The following MTUS1 variants were observed in gnomAD, a reference collection of about 807,000 sequenced individuals.
The protein encoded by MTUS1 is microtubule associated scaffold protein 1.
In MTUS1, 109 loss-of-function variants were observed where a neutral mutation model predicts 120.8. The ratio of observed to expected loss-of-function variants is 0.90; its 90% CI spans 0.77 to 1.06. The LOEUF (loss-of-function observed/expected upper bound fraction) is 1.06. MTUS1 is among the 50% of genes least tolerant of loss of function. The pLI, the probability that MTUS1 is intolerant of heterozygous loss-of-function variation, is 0.00. For synonymous variants in MTUS1, 737 were observed against 550.5 expected (o/e 1.34, Z -4.74); for missense variants, 2,210 against 1,486.3 (o/e 1.49, Z -8.01).
rs1279407612 is a variant in MTUS1 at position 17,704,370 on chromosome 8, C to A, written c.2623+8844G>T. ...CCAAGAAAAATGACATGAAGTTTTGCCCCATGTTTTGTTTGAGGTGTTTTA... is the reference window on the plus strand; with the variant it reads ...CCAAGAAAAATGACATGAAGTTTTGACCCATGTTTTGTTTGAGGTGTTTTA... On this transcript the variant is annotated intron_variant, in intron 6 of 14. Transcript: ENST00000693296. Among the ~76,000 whole-genome samples the A allele has an allele frequency of 2.6e-5, 4 of 152,130 alleles. No individual in the cohort carries two copies. The East Asian group carries it at 7.7e-4, about 29-fold the overall frequency.
rs534063232 is a variant in MTUS1, at chr8:17,654,501, A to G, written c.3214+60T>C. On this transcript the variant is annotated intron_variant, in intron 10 of 14. Coordinates refer to ENST00000693296, the MANE Select transcript of MTUS1 (RefSeq NM_001363059.2). ...GAAGTTATGAATCATTTCCATCTTA[A>G]AACATCATGTGGTTCCTTCAGATTT... 5.3e-5 allele frequency: 62 copies of G among 1,164,648 alleles called. No individual in the cohort carries two copies. The East Asian group carries it at 1.2e-3, about 23-fold the overall frequency. The allele number at this position is 1,164,648 out of a possible 1,614,324, so 72.1% of individuals were successfully genotyped here.
rs1226621346 is a variant in MTUS1, at chr8:17,647,003, T to G, written c.3578A>C (p.Asp1193Ala). The G allele has an allele frequency of 6.2e-7, 1 of 1,613,974 alleles. No homozygotes were observed. The highest frequency in any genetic ancestry group is 8.5e-7 in the Non-Finnish European group (1 of 1,179,894). Reference sequence around the variant, plus strand: ...TTACCTTGAGATTGCCATGTGCTTGTCCATCCGAGCTTTCAATTCTTCATT... The same window carrying G: ...TTACCTTGAGATTGCCATGTGCTTGGCCATCCGAGCTTTCAATTCTTCATT... ...QENEELKARM[D>A]KHMAISRQLS... The change falls in exon 14 of 15, where the codon GAC (aspartate) becomes GCC (alanine). Residue 1193 changes from aspartate (D) to alanine (A), a missense_variant. By Grantham distance (126) the Asp-to-Ala change is moderately radical. Transcript: ENST00000693296.
chr8:17,764,755 G>T (rs1325290971), intron 1 of MTUS1, among the ~76,000 whole-genome samples: 2 of 152,204 alleles, frequency 1.3e-5, no homozygotes, highest in Non-Finnish European at 2.9e-5. Context: ...CAAAAAAGAG[G>T]CAGTGGGCCA....
At chr8:17,761,628 G>C (rs1361548312) in intron 1 of MTUS1, among the ~76,000 whole-genome samples, 1 of 152,124 alleles carries the variant, frequency 6.6e-6, no homozygotes, top group East Asian at 1.9e-4. Context: ...ACCTAATATA[G>C]TTAACCTTGT....
chr8:17,678,802 G>C (rs893633704), intron 7 of MTUS1, among the ~76,000 whole-genome samples: 1 of 151,350 alleles, frequency 6.6e-6, no homozygotes, highest in African/African-American at 2.4e-5. Flanking sequence ...GGTTTGGGGA[G>C]GGTGACCTCA....
At chr8:17,683,648 T>A (rs6586627) in intron 7 of MTUS1, among the ~76,000 whole-genome samples, 126,263 of 151,988 alleles carry the variant, frequency 0.83, 52,665 homozygotes, top group East Asian at 0.98. Context: ...AACTGTGATT[T>A]AAAAAATGTC....
chr8:17,770,245 C>T (rs1026516525), intron 1 of MTUS1, among the ~76,000 whole-genome samples: 11 of 152,070 alleles, frequency 7.2e-5, no homozygotes, highest in Non-Finnish European at 1.2e-4. Flanking sequence ...TTAGCATTTT[C>T]AAACGTTCTA....
At chr8:17,711,675 C>G (rs1050729878) in intron 6 of MTUS1, among the ~76,000 whole-genome samples, 2 of 152,170 alleles carry the variant, frequency 1.3e-5, no homozygotes. Context: ...CTTTTCCTTT[C>G]CATTTACAAC....
chr8:17,647,055 C>T lies in MTUS1; in HGVS notation c.3526G>A (p.Asp1176Asn). The T allele has an allele frequency of 6.2e-7, 1 of 1,613,884 alleles. No homozygotes were observed. The highest frequency in any genetic ancestry group is 8.5e-7 in the Non-Finnish European group (1 of 1,179,942). ...TCCTGCTGGAAACGCTTCAATTTGT[C>T]AACCAATGCTGTGTTGTTGTCCACC... ...KLVDNNTALV[D>N]KLKRFQQENE... The change falls in exon 14 of 15, where the codon GAC becomes AAC. Residue 1176 changes from aspartate (D) to asparagine (N), a missense_variant. Physicochemically the swap from Asp to Asn is conservative, Grantham distance 23. Transcript: ENST00000693296.
chr8:17,756,011 G>A (rs2048581002), intron 1 of MTUS1, 50 bp from the exon 2 acceptor site: 1 of 1,219,198 alleles, frequency 8.2e-7, no homozygotes, highest in Admixed American at 3.4e-5. Flanking sequence ...AAAATTAACA[G>A]GCCACCCCTT....
At chr8:17,729,161 G>C (rs1035966114) in intron 3 of MTUS1, among the ~76,000 whole-genome samples, 4 of 152,114 alleles carry the variant, frequency 2.6e-5, no homozygotes, top group African/African-American at 9.7e-5. Context: ...CAACTACTTA[G>C]AGACAGTTAC....
intron 1 of MTUS1, among the ~76,000 whole-genome samples, chr8:17,786,709 A>G (rs2051331000): frequency 6.6e-6 from 1 of 152,152 alleles, no homozygotes; most frequent in Non-Finnish European, 1.5e-5. Context: ...TCCGTAGTTG[A>G]GAGACTGGCT....
At chr8:17,673,463 G>T (rs61484524) in intron 8 of MTUS1, among the ~76,000 whole-genome samples, 20,251 of 152,120 alleles carry the variant, frequency 0.13, 1,392 homozygotes, top group South Asian at 0.19. Flanking sequence ...TGAATGCAGA[G>T]AAGTCTTTTA....
chr8:17,667,363 C>A (rs918177460), intron 8 of MTUS1, among the ~76,000 whole-genome samples: 2 of 152,166 alleles, frequency 1.3e-5, no homozygotes, highest in African/African-American at 4.8e-5. Flanking sequence ...AATTTTACAA[C>A]TCAAAAGTGA....
At chr8:17,703,024 T>C (rs1405915574) in intron 6 of MTUS1, among the ~76,000 whole-genome samples, 4 of 152,198 alleles carry the variant, frequency 2.6e-5, no homozygotes, top group Admixed American at 2.6e-4. Flanking sequence ...CTGTGATGAT[T>C]GCATTAACTG....
intron 1 of MTUS1, among the ~76,000 whole-genome samples, chr8:17,763,477 C>G (rs1208581974): frequency 6.6e-6 from 1 of 152,134 alleles, no homozygotes; most frequent in East Asian, 1.9e-4. Flanking sequence ...GTATAACACT[C>G]CTGGCTTTTG....
At chr8:17,736,322 C>G (rs1248235150) in intron 3 of MTUS1, among the ~76,000 whole-genome samples, 1 of 152,188 alleles carries the variant, frequency 6.6e-6, no homozygotes, top group Non-Finnish European at 1.5e-5. Flanking sequence ...TCCTGACCTC[C>G]TCCGCCCATC....
At chr8:17,760,087 A>C (rs959187202) in intron 1 of MTUS1, among the ~76,000 whole-genome samples, 1 of 144,834 alleles carries the variant, frequency 6.9e-6, no homozygotes, top group African/African-American at 2.6e-5. Flanking sequence ...ACGGTGGTGC[A>C]TGCCTGTAGT....
chr8:17,800,871 G>C (rs1022496812), intron 1 of MTUS1, 190 bp downstream of exon 1: 2 of 153,040 alleles, frequency 1.3e-5, no homozygotes, highest in East Asian at 3.9e-4. Flanking sequence ...CTCTGCGCTG[G>C]CCCACGTGAG....
Sources: gnomAD v4.1 joint callset for allele counts (sites outside exome capture counted in the v4.1 genomes callset) on GRCh38, gnomAD v4.1.1 for gene constraint, MANE v1.5 for transcripts, NCBI Gene and HGNC (gene_info 2026-07-23, HGNC 2026-07-21) for gene names.